PRDM2: variants seen among roughly 807,000 people sequenced by gnomAD.
PRDM2 encodes the protein PR/SET domain 2.
In PRDM2, 30 loss-of-function variants were observed where a neutral mutation model predicts 130.0. The observed-to-expected ratio is 0.23, with a 90% CI of 0.17 to 0.31. PRDM2 has a LOEUF of 0.31. PRDM2 is among the 10% of genes least tolerant of loss of function. The pLI, the probability that PRDM2 is intolerant of heterozygous loss-of-function variation, is 1.00. For missense variants in PRDM2, 2,011 were observed against 2,108.4 expected (o/e 0.95, Z 0.90); for synonymous variants, 871 against 782.4 (o/e 1.11, Z -1.89).
intron 4 of PRDM2, 40 bp downstream of exon 4, chr1:13,732,922 T>G (rs2100477722): frequency 1.5e-6 from 2 of 1,313,726 alleles, no homozygotes; most frequent in East Asian, 4.8e-5. Context: ...CAGAGTTTTA[T>G]GAAATAATTA....
At chr1:13,763,039 T>C (rs1047792087) in intron 6 of PRDM2, among the ~76,000 whole-genome samples, 1 of 152,228 alleles carries the variant, frequency 6.6e-6, no homozygotes, top group Non-Finnish European at 1.5e-5. Context: ...GTAAATGCTC[T>C]TGTTTTTATA....
intron 6 of PRDM2, among the ~76,000 whole-genome samples, chr1:13,751,681 T>A (rs1643845496): frequency 6.6e-6 from 1 of 152,198 alleles, no homozygotes. Context: ...AAGCCGCATG[T>A]TGAATACATA....
chr1:13,797,760 T>C (rs1644944878), intron 8 of PRDM2, among the ~76,000 whole-genome samples: 1 of 152,204 alleles, frequency 6.6e-6, no homozygotes, highest in Admixed American at 6.5e-5. Flanking sequence ...GTTTCAGACC[T>C]ACTAAACCAT....
intron 6 of PRDM2, chr1:13,770,256 T>G (rs1038845545): frequency 2.2e-5 from 10 of 447,930 alleles, no homozygotes; most frequent in Middle Eastern, 6.9e-4. Context: ...TAAAGGACAT[T>G]TGACATTTAG....
intron 6 of PRDM2, among the ~76,000 whole-genome samples, chr1:13,764,048 A>T (rs561551077): frequency 6.6e-6 from 1 of 152,172 alleles, no homozygotes; most frequent in South Asian, 2.1e-4. Context: ...TTTTAAAACG[A>T]TGTTGTAGTT....
At chr1:13,790,419 G>A (rs895868388) in intron 8 of PRDM2, among the ~76,000 whole-genome samples, 4 of 152,084 alleles carry the variant, frequency 2.6e-5, no homozygotes, top group Admixed American at 2.0e-4. Context: ...GTGTCCACTT[G>A]GTGGAAAGAG....
intron 5 of PRDM2, among the ~76,000 whole-genome samples, chr1:13,743,200 C>G (rs1011723785): frequency 4.6e-5 from 7 of 151,978 alleles, no homozygotes; most frequent in Non-Finnish European, 7.4e-5. Flanking sequence ...GAGATTGAGA[C>G]CATCCTGGCT....
chr1:13,739,168 T>A (rs767347208), intron 4 of PRDM2, among the ~76,000 whole-genome samples: 6 of 151,878 alleles, frequency 4.0e-5, no homozygotes, highest in African/African-American at 7.3e-5. Flanking sequence ...TGCCTCAGCC[T>A]CCCCAGTAGC....
At chr1:13,794,770 C>T (rs942290860) in intron 8 of PRDM2, among the ~76,000 whole-genome samples, 1 of 152,214 alleles carries the variant, frequency 6.6e-6, no homozygotes, top group Admixed American at 6.5e-5. Context: ...AAAAGTTGAG[C>T]CTGGCATGCC....
chr1:13,786,474 A>C (rs200784953), intron 8 of PRDM2: 284 of 1,604,106 alleles, frequency 1.8e-4, no homozygotes, highest in Non-Finnish European at 2.3e-4. Context: ...ATGTAAGGTT[A>C]TGTTCTGTTG....
In PRDM2 at chr1:13,803,460, C is replaced by T. The variant is rs1645039575; in HGVS notation, c.5037-12967C>T. Among the ~76,000 whole-genome samples the T allele has an allele frequency of 1.3e-5, 2 of 152,184 alleles. No homozygotes were observed. The highest frequency in any genetic ancestry group is 1.5e-5 in the Non-Finnish European group (1 of 68,040). On this transcript the variant is annotated intron_variant, in intron 8 of 9. Transcript: ENST00000311066. The surrounding 1 kb of genome is among the most constrained non-coding windows in gnomAD (Gnocchi z 6.2). Reference sequence around the variant, plus strand: ...CCAGTTACAGAGATCTGAGTGCCCTCAGCGAGTCCTCGGGGGCTTCAACTA... The same window carrying T: ...CCAGTTACAGAGATCTGAGTGCCCTTAGCGAGTCCTCGGGGGCTTCAACTA...
Position 13,803,470 on chromosome 1 carries a change from T to C in PRDM2, c.5037-12957T>C, listed in dbSNP as rs544375777. On this transcript the variant is annotated intron_variant, in intron 8 of 9. Transcript: ENST00000311066. This position sits in a 1 kb window ranked among gnomAD's most constrained non-coding sequence, Gnocchi z 6.2. ...AGATCTGAGTGCCCTCAGCGAGTCC[T>C]CGGGGGCTTCAACTACCCTTCTTCC... Among the ~76,000 whole-genome samples, 2 of 152,270 alleles carry C rather than the reference T, an allele frequency of 1.3e-5. No homozygotes were observed. Among genetic ancestry groups the C allele is most frequent in the South Asian group, 4.1e-4 (2 of 4,824 alleles).
intron 8 of PRDM2, among the ~76,000 whole-genome samples, chr1:13,800,822 C>A (rs1050592338): frequency 6.6e-6 from 1 of 152,172 alleles, no homozygotes; most frequent in Admixed American, 6.5e-5. Flanking sequence ...CTCATAAGAG[C>A]CTCTCTGGAT....
chr1:13,768,374 C>A (rs1042464954), intron 6 of PRDM2, among the ~76,000 whole-genome samples: 11 of 151,336 alleles, frequency 7.3e-5, no homozygotes, highest in African/African-American at 2.4e-4. Flanking sequence ...TGAGCCACCG[C>A]GCCCGGCCTT....
intron 2 of PRDM2, among the ~76,000 whole-genome samples, chr1:13,722,044 C>T (rs917062107): frequency 2.6e-5 from 4 of 152,158 alleles, no homozygotes; most frequent in South Asian, 2.1e-4. Context: ...ATTTTTCAGC[C>T]GGTAACCATG....
chr1:13,771,378 AT>A lies in PRDM2; in HGVS notation c.512-1697del, dbSNP rs373504035. Among the ~76,000 whole-genome samples the A allele has an allele frequency of 2.2e-3, 331 of 152,310 alleles. 7 individuals carry two copies. The South Asian group carries it at 0.048, about 22-fold the overall frequency. On this transcript the variant is annotated intron_variant, in intron 6 of 9. Coordinates refer to ENST00000311066, the MANE Select transcript of PRDM2 (RefSeq NM_001393986.1). This position sits in a 1 kb window ranked among gnomAD's most constrained non-coding sequence, Gnocchi z 4.1. ...TGGATAGACAGGCTATCAGGAATTTATTTGCTCAAACCCTGATAAACGTAGT... is the reference window on the plus strand; with the variant it reads ...TGGATAGACAGGCTATCAGGAATTTATTGCTCAAACCCTGATAAACGTAGT...
At chr1:13,725,696 A>G (rs376878973) in intron 2 of PRDM2, among the ~76,000 whole-genome samples, 1 of 152,236 alleles carries the variant, frequency 6.6e-6, no homozygotes, top group African/African-American at 2.4e-5. Context: ...GAATGATGAC[A>G]TTTTCACACA....
chr1:13,798,077 T>C (rs564605276), intron 8 of PRDM2, among the ~76,000 whole-genome samples: 1 of 152,056 alleles, frequency 6.6e-6, no homozygotes, highest in South Asian at 2.1e-4. Context: ...CATTTCTGAG[T>C]GTCGTAGGTA....
intron 6 of PRDM2, among the ~76,000 whole-genome samples, chr1:13,756,882 T>A (rs1322469252): frequency 6.6e-6 from 1 of 152,262 alleles, no homozygotes; most frequent in Non-Finnish European, 1.5e-5. Flanking sequence ...TATCCTCATT[T>A]GTAGAAGAGG....
Sources: allele counts gnomAD v4.1 joint callset (sites outside exome capture counted in the v4.1 genomes callset), GRCh38; gene constraint gnomAD v4.1.1; non-coding constraint Gnocchi (gnomAD v3.1); transcripts MANE v1.5; gene names NCBI Gene and HGNC (gene_info 2026-07-23, HGNC 2026-07-21).